The following KIAA1549L variants were observed in gnomAD, a reference collection of about 807,000 sequenced individuals.
KIAA1549L encodes UPF0606 protein KIAA1549L.
A neutral mutation model predicts 160.7 loss-of-function variants in KIAA1549L; 88 were observed. The observed-to-expected ratio is 0.55, with a 90% CI of 0.46 to 0.65. The LOEUF is 0.65. Ranked by LOEUF, KIAA1549L falls within the 30% of genes least tolerant of loss-of-function variation. The probability of loss-of-function intolerance (pLI) is 0.00; values close to 1 mark genes in which losing one functional copy is unlikely to be tolerated. For synonymous variants in KIAA1549L, 950 were observed against 976.7 expected, an observed-to-expected ratio of 0.97 and a Z score of 0.51; for missense variants, 2,258 against 2,437.5, an observed-to-expected ratio of 0.93 and a Z score of 1.55.
chr11:33,606,791 G>A lies in KIAA1549L; in HGVS notation c.5030G>A (p.Ser1677Asn), dbSNP rs1442921999. Residue 1677 changes from serine to asparagine, a missense_variant, in exon 14 of 21, where the codon AGC becomes AAC. Physicochemically the swap from Ser to Asn is conservative, Grantham distance 46 (BLOSUM62 1). This residue lies in a region of KIAA1549L where 1,359 missense variants were observed against 1,546.6 expected (regional missense o/e 0.88). Transcript: ENST00000658780. ...ATGGTGCCCCCCACCTCGGACAGGA[G>A]CCAGGAGTCATCGGCAGTCCTCAAC... Reference protein sequence around the residue: ...LPMVPPTSDRSQESSAVLNGE... With the variant: ...LPMVPPTSDRNQESSAVLNGE... 12 of 1,612,354 alleles carry A rather than the reference G, an allele frequency of 7.4e-6. No homozygotes were observed. The highest frequency in any genetic ancestry group is 1.0e-5 in the Non-Finnish European group (12 of 1,179,250).
chr11:33,419,497 C>T (rs183696158), intron 1 of KIAA1549L, among the ~76,000 whole-genome samples: 15 of 152,236 alleles, frequency 9.9e-5, no homozygotes, highest in South Asian at 6.2e-4. Context: ...GATTTCCCCC[C>T]GTCCTTCATC....
At chr11:33,393,613 G>C (rs1407799320) in intron 1 of KIAA1549L, among the ~76,000 whole-genome samples, 1 of 152,222 alleles carries the variant, frequency 6.6e-6, no homozygotes, top group Admixed American at 6.5e-5. Context: ...GAGGGAGGAA[G>C]ATACTATAAA....
chr11:33,387,319 T>G (rs1393976077), intron 1 of KIAA1549L, among the ~76,000 whole-genome samples: 3 of 152,066 alleles, frequency 2.0e-5, no homozygotes, highest in Non-Finnish European at 2.9e-5. Context: ...TTATTTTATT[T>G]TTTTGAGATG....
At chr11:33,579,913 C>G (rs1040428522) in intron 10 of KIAA1549L, among the ~76,000 whole-genome samples, 4 of 152,186 alleles carry the variant, frequency 2.6e-5, no homozygotes, top group African/African-American at 9.7e-5. Context: ...CCAGTAGTTT[C>G]AAGATCAGCC....
At chr11:33,646,796 C>G (rs901455072) in intron 17 of KIAA1549L, among the ~76,000 whole-genome samples, 1 of 152,138 alleles carries the variant, frequency 6.6e-6, no homozygotes, top group Non-Finnish European at 1.5e-5. Flanking sequence ...AATCCTCCCT[C>G]TTTTTCCTTT....
intron 1 of KIAA1549L, among the ~76,000 whole-genome samples, chr11:33,449,496 C>A (rs1851678718): frequency 6.6e-6 from 1 of 152,140 alleles, no homozygotes; most frequent in East Asian, 1.9e-4. Flanking sequence ...ATTCCCTACC[C>A]CAGACCTCTT....
intron 1 of KIAA1549L, among the ~76,000 whole-genome samples, chr11:33,418,394 G>A (rs769288909): frequency 1.3e-5 from 2 of 152,156 alleles, no homozygotes; most frequent in Non-Finnish European, 2.9e-5. Flanking sequence ...TGGGGTCTGG[G>A]CACTAGGAGG....
In KIAA1549L at chr11:33,606,622, T is replaced by G; in HGVS notation, c.4880-19T>G. 4 of 1,609,104 alleles carry G rather than the reference T, an allele frequency of 2.5e-6. No homozygotes were observed. Among genetic ancestry groups the G allele is most frequent in the Non-Finnish European group, 3.4e-6 (4 of 1,176,752 alleles). On this transcript the variant is annotated intron_variant, in intron 13 of 20. Transcript: ENST00000658780. ...GCTCCCCAACATCATAAAATCGATG[T>G]GTTTATGTTGTGCTTCAGTGCCAGC...
At chr11:33,463,162 T>C (rs544950852) in intron 1 of KIAA1549L, among the ~76,000 whole-genome samples, 3 of 152,276 alleles carry the variant, frequency 2.0e-5, no homozygotes, top group Admixed American at 6.5e-5. Flanking sequence ...TTTCTACTTA[T>C]GTAAATATGA....
intron 1 of KIAA1549L, among the ~76,000 whole-genome samples, chr11:33,434,269 T>C (rs1442068366): frequency 1.3e-5 from 2 of 152,086 alleles, no homozygotes; most frequent in Non-Finnish European, 2.9e-5. Context: ...GATCTGATGG[T>C]TTTATAAATG....
intron 20 of KIAA1549L, among the ~76,000 whole-genome samples, 183 bp downstream of exon 20, chr11:33,661,197 G>T (rs900536776): frequency 7.9e-5 from 12 of 152,228 alleles, no homozygotes; most frequent in African/African-American, 2.9e-4. Flanking sequence ...CCCCTTGACA[G>T]AGGACCTTGA....
At chr11:33,582,775 G>A (rs573511032) in intron 10 of KIAA1549L, among the ~76,000 whole-genome samples, 1 of 152,268 alleles carries the variant, frequency 6.6e-6, no homozygotes, top group Non-Finnish European at 1.5e-5. Context: ...CTCTGGTTCT[G>A]AGAACAGCCT....
chr11:33,647,345 CA>C (rs1851750145), intron 17 of KIAA1549L, among the ~76,000 whole-genome samples: 2 of 136,858 alleles, frequency 1.5e-5, no homozygotes, highest in Admixed American at 7.8e-5. Context: ...GACTGTACTT[CA>C]GCCTGGCTGA....
intron 1 of KIAA1549L, among the ~76,000 whole-genome samples, chr11:33,537,257 C>T (rs1853915402): frequency 1.3e-5 from 2 of 152,142 alleles, no homozygotes; most frequent in African/African-American, 4.8e-5. Context: ...TTCTGACCTC[C>T]CTGATCAGAT....
chr11:33,549,897 C>T (rs1009219546), intron 4 of KIAA1549L, among the ~76,000 whole-genome samples: 9 of 151,764 alleles, frequency 5.9e-5, no homozygotes, highest in African/African-American at 1.5e-4. Context: ...CCTAGCTACT[C>T]GAGAGGCTGA....
intron 16 of KIAA1549L, among the ~76,000 whole-genome samples, chr11:33,634,638 G>C (rs1012169560): frequency 3.3e-5 from 5 of 152,140 alleles, no homozygotes; most frequent in Admixed American, 2.6e-4. Flanking sequence ...CTGTTACACG[G>C]GGAAGATGTT....
intron 16 of KIAA1549L, among the ~76,000 whole-genome samples, chr11:33,636,066 A>G (rs1490681480): frequency 6.6e-6 from 1 of 152,230 alleles, no homozygotes; most frequent in Non-Finnish European, 1.5e-5. Context: ...TGTCCAGCTT[A>G]TCCTGGTCAA....
chr11:33,605,190 G>GT (rs869096985), intron 13 of KIAA1549L, among the ~76,000 whole-genome samples: 1 of 135,522 alleles, frequency 7.4e-6, no homozygotes, highest in South Asian at 2.2e-4. Context: ...GTTTTGTTTT[G>GT]TTTTTTTACA....
At chr11:33,595,944 A>C (rs1255038267) in intron 12 of KIAA1549L, among the ~76,000 whole-genome samples, 1 of 152,010 alleles carries the variant, frequency 6.6e-6, no homozygotes, top group African/African-American at 2.4e-5. Flanking sequence ...CCTCCAGTGT[A>C]GGGTCTTGGT....
Sources: allele counts gnomAD v4.1 joint callset (sites outside exome capture counted in the v4.1 genomes callset), GRCh38; gene constraint gnomAD v4.1.1; regional missense constraint gnomAD v4.1.1; transcripts MANE v1.5; gene names NCBI Gene and HGNC (gene_info 2026-07-23, HGNC 2026-07-21).